Variants in C5 observed in about 807,000 individuals in gnomAD.
C5 encodes C3 and PZP-like alpha-2-macroglobulin domain-containing protein 4.
C5 carries 140 observed loss-of-function variants against 218.8 expected under a neutral mutation model. The ratio of observed to expected loss-of-function variants is 0.64; its 90% CI spans 0.56 to 0.74. The LOEUF (loss-of-function observed/expected upper bound fraction) is 0.74. Among genes scored for constraint, C5 ranks in the 30% least tolerant of loss-of-function variants. The probability of loss-of-function intolerance (pLI) is 0.00; values close to 1 mark genes in which losing one functional copy is unlikely to be tolerated. For missense variants in C5, 1,700 were observed against 1,969.6 expected, an observed-to-expected ratio of 0.86 and a Z score of 2.59; for synonymous variants, 614 against 682.3, an observed-to-expected ratio of 0.90 and a Z score of 1.56.
intron 29 of C5, among the ~76,000 whole-genome samples, chr9:120,976,124 C>T (rs2046951573): frequency 6.6e-6 from 1 of 152,186 alleles, no homozygotes. Flanking sequence ...AATATACACA[C>T]TCCATCATTA....
the C5 span, among the ~76,000 whole-genome samples, chr9:121,073,828 T>A: frequency 3.3e-5 from 5 of 152,146 alleles, no homozygotes. Context: ...TTCACTTTTA[T>A]AATTATCAGG....
In C5 at chr9:121,030,450, A is replaced by G. The variant is rs772092937; in HGVS notation, c.705T>C (p.Tyr235=). The stretch of plus-strand genomic sequence containing the variant: ...TAAAGTTCTTGTAACCAATGAAATT[A>G]TATTCTGGCTCGATTGAGACAGAAA... ...PHFSVSIEPE[Y]NFIGYKNFKN... Residue 235 remains tyrosine, a synonymous_variant, in exon 7 of 41, where the codon TAT becomes TAC. Transcript: ENST00000223642. 6.5e-7 allele frequency: 1 copy of G among 1,547,492 alleles called. No individual in the cohort carries two copies. The highest frequency in any genetic ancestry group is 8.8e-7 in the Non-Finnish European group (1 of 1,142,584).
intron 33 of C5, among the ~76,000 whole-genome samples, chr9:120,964,202 G>T (rs2046849310): frequency 6.6e-6 from 1 of 152,244 alleles, no homozygotes; most frequent in Non-Finnish European, 1.5e-5. Context: ...CTAAGGCAAG[G>T]CACGGTGGCT....
chr9:121,057,422 GAGAC>G, the C5 span, among the ~76,000 whole-genome samples: 5 of 152,036 alleles, frequency 3.3e-5, no homozygotes, highest in Non-Finnish European at 7.4e-5. Context: ...TATTTTTTAA[GAGAC>G]AGACCATGTA....
At chr9:121,015,677 AAAG>A (rs2047300932) in intron 15 of C5, among the ~76,000 whole-genome samples, 1 of 152,194 alleles carries the variant, frequency 6.6e-6, no homozygotes, top group South Asian at 2.1e-4. Context: ...AAAACCATAG[AAAG>A]AAGATGATTA....
At chr9:121,010,789 C>CTATGT (rs529715669) in intron 17 of C5, among the ~76,000 whole-genome samples, 7 of 152,064 alleles carry the variant, frequency 4.6e-5, no homozygotes, top group African/African-American at 1.7e-4. Context: ...GACATATAGA[C>CTATGT]CTATGGAACA....
intron 30 of C5, among the ~76,000 whole-genome samples, chr9:120,973,360 T>G (rs2046928918): frequency 6.6e-6 from 1 of 152,146 alleles, no homozygotes; most frequent in Non-Finnish European, 1.5e-5. Context: ...TCCGGTGAAC[T>G]CTAAATGATC....
At chr9:121,044,848 C>A (rs961818738) in intron 2 of C5, among the ~76,000 whole-genome samples, 3 of 151,896 alleles carry the variant, frequency 2.0e-5, no homozygotes, top group Non-Finnish European at 4.4e-5. Context: ...TGAGATACTG[C>A]ATTTTTAATT....
intron 21 of C5, among the ~76,000 whole-genome samples, chr9:120,996,539 C>T (rs7039535): frequency 0.028 from 4,263 of 152,256 alleles, 214 homozygotes; most frequent in African/African-American, 0.097. Context: ...GTTCTAAGTG[C>T]TTTATATGTA....
the C5 span, among the ~76,000 whole-genome samples, chr9:121,070,411 A>G: frequency 1.2e-4 from 12 of 103,186 alleles, no homozygotes; most frequent in East Asian, 3.2e-4. Context: ...ATATATATAT[A>G]TATATATATA....
intron 4 of C5, among the ~76,000 whole-genome samples, chr9:121,037,151 T>G (rs2131807918): frequency 6.6e-6 from 1 of 152,178 alleles, no homozygotes; most frequent in South Asian, 2.1e-4. Context: ...TAATAGTTAT[T>G]AAACTCTAAG....
rs374922787 is a variant in C5 at position 120,974,803 on chromosome 9, C to A, written c.3993G>T (p.Lys1331Asn). ...GALHNYKMTD[K>N]NFLGRPVEVL... ...CCTCTACTGGCCTCCCAAGGAAATT[C>A]TTGTCTGTCATTTTATAATTATGTA... Residue 1331 changes from lysine (K) to asparagine (N), a missense_variant, in exon 30 of 41, where the codon AAG becomes AAT. Transcript: ENST00000223642. 14 of 1,613,810 alleles carry A rather than the reference C, an allele frequency of 8.7e-6. No individual in the cohort carries two copies. The highest frequency in any genetic ancestry group is 1.1e-5 in the Non-Finnish European group (13 of 1,179,832).
chr9:120,982,253 G>A (rs1480231752), intron 26 of C5, among the ~76,000 whole-genome samples: 1 of 152,100 alleles, frequency 6.6e-6, no homozygotes, highest in Non-Finnish European at 1.5e-5. Context: ...CTCATGATCC[G>A]CCCGCCTTGG....
At chr9:121,003,423 A>G (rs1201491493) in intron 20 of C5, among the ~76,000 whole-genome samples, 1 of 152,222 alleles carries the variant, frequency 6.6e-6, no homozygotes, top group African/African-American at 2.4e-5. Flanking sequence ...TTACCTGATG[A>G]AACAAGTTTA....
At position 120,976,717 on chromosome 9, in the gene C5, C is replaced by T. The variant is rs780626072; in HGVS notation, c.3847G>A (p.Gly1283Ser). ...WLSEEQRYGG[G>S]FYSTQDTINA... ...AATGTTACCTGGGTTGAATAAAAGCCACCTCCATACCTCTGCTCTTCTGAT... is the reference window on the plus strand; with the variant it reads ...AATGTTACCTGGGTTGAATAAAAGCTACCTCCATACCTCTGCTCTTCTGAT... Residue 1283 changes from glycine (G) to serine (S), a missense_variant, in exon 29 of 41, where the codon GGC becomes AGC. Transcript: ENST00000223642. 3 of 1,613,970 alleles carry T rather than the reference C, an allele frequency of 1.9e-6. No individual in the cohort carries two copies. In the Admixed American group the frequency reaches 5.0e-5, roughly 27 times the overall value.
chr9:120,969,731 A>G (rs1365687078), intron 32 of C5, among the ~76,000 whole-genome samples: 1 of 152,178 alleles, frequency 6.6e-6, no homozygotes, highest in Admixed American at 6.5e-5. Flanking sequence ...GGAGGCAGAG[A>G]AATGTTTATT....
At chr9:121,017,280 G>A in intron 14 of C5, 82 bp downstream of exon 14, 2 of 1,527,868 alleles carry the variant, frequency 1.3e-6, no homozygotes, top group South Asian at 1.1e-5. Flanking sequence ...AGCAGGCCTA[G>A]TCTTCCCTTA....
Position 121,006,954 on chromosome 9 carries a change from G to A in C5, c.2372C>T (p.Pro791Leu), listed in dbSNP as rs999023768. 1.9e-6 allele frequency: 3 copies of A among 1,612,628 alleles called. No homozygotes were observed. The highest frequency in any genetic ancestry group is 1.1e-5 in the South Asian group (1 of 91,030). ...AATTTCCCAGGTGGTTAGAGAATCA[G>A]GTAGGGCAAACTGCAACTGTTTTCT... ...PRRKQLQFAL[P>L]DSLTTWEIQG... The change falls in exon 19 of 41, where the codon CCT (proline) becomes CTT (leucine). Residue 791 changes from proline (P) to leucine (L), a missense_variant. Pro to Leu is a moderately conservative substitution (Grantham distance 98). Transcript: ENST00000223642.
intron 30 of C5, among the ~76,000 whole-genome samples, chr9:120,972,833 T>A (rs1349169117): frequency 6.6e-6 from 1 of 152,226 alleles, no homozygotes; most frequent in Admixed American, 6.5e-5. Flanking sequence ...CTTCAAATTT[T>A]AGTAAATGTA....
Sources: allele counts gnomAD v4.1 joint callset (sites outside exome capture counted in the v4.1 genomes callset), GRCh38; gene constraint gnomAD v4.1.1; transcripts MANE v1.5; gene names NCBI Gene and HGNC (gene_info 2026-07-23, HGNC 2026-07-21).